BCORL1: variants seen among roughly 807,000 people sequenced by gnomAD.
The protein encoded by BCORL1 is BCL-6 corepressor-like protein 1.
A neutral mutation model predicts 87.6 loss-of-function variants in BCORL1; 7 were observed. That is an observed-to-expected ratio of 0.08 (90% confidence interval 0.05 to 0.15). The LOEUF is 0.15. Ranked by LOEUF, BCORL1 falls within the 10% of genes least tolerant of loss-of-function variation. BCORL1 has a pLI of 1.00. For synonymous variants in BCORL1, 591 were observed against 634.4 expected, an observed-to-expected ratio of 0.93 and a Z score of 1.03; for missense variants, 1,215 against 1,499.7, an observed-to-expected ratio of 0.81 and a Z score of 3.13.
intron 11 of BCORL1, among the ~76,000 whole-genome samples, chrX:130,040,736 C>T (rs1931255516): frequency 1.8e-5 from 2 of 112,335 alleles, no homozygotes; most frequent in South Asian, 3.6e-4. Context: ...GGCAAGCCAC[C>T]GTTGGTAGCT....
In BCORL1 at chrX:129,999,688, C is replaced by A. The variant is rs762996557; in HGVS notation, c.-44-5500C>A. ...CTTGAGTCCTCTAATTCTTTTTCCC[C>A]CCCCCCAGACAGAGTCTTAACTGTC... On this transcript the variant is annotated intron_variant, in intron 1 of 13. Coordinates refer to ENST00000540052, the MANE Select transcript of BCORL1 (RefSeq NM_001379451.1). 2.1e-4 allele frequency among the ~76,000 whole-genome samples: 22 copies of A among 102,427 alleles called. No homozygotes were observed. The South Asian group carries it at 3.4e-3, about 16-fold the overall frequency. The allele number at this position is 102,427 out of a possible 115,157, so 88.9% of individuals were successfully genotyped here.
intron 2 of BCORL1, among the ~76,000 whole-genome samples, chrX:130,011,769 C>T (rs1002102826): frequency 9.1e-6 from 1 of 109,369 alleles, no homozygotes; most frequent in South Asian, 3.9e-4. Flanking sequence ...GGGTCTGAGG[C>T]TTTTCGGACA....
At chrX:130,023,953 TACTC>T (rs966749172) in intron 6 of BCORL1, among the ~76,000 whole-genome samples, 3 of 112,616 alleles carry the variant, frequency 2.7e-5, no homozygotes, top group African/African-American at 9.7e-5. Context: ...AAGGGCTACT[TACTC>T]TATTTGCCTC....
intron 1 of BCORL1, among the ~76,000 whole-genome samples, chrX:129,984,159 G>T (rs1204374336): frequency 1.0e-5 from 1 of 99,419 alleles, no homozygotes; most frequent in Non-Finnish European, 2.1e-5. Flanking sequence ...GCCGGGGGCG[G>T]CGCTGCTGCC....
At chrX:130,008,746 T>G (rs1301988896) in intron 2 of BCORL1, among the ~76,000 whole-genome samples, 7 of 111,751 alleles carry the variant, frequency 6.3e-5, no homozygotes, top group Non-Finnish European at 1.1e-4. Context: ...GAATTTGGGG[T>G]ACAAAGCTGT....
At chrX:130,031,603 G>A (rs1930608885) in intron 8 of BCORL1, among the ~76,000 whole-genome samples, 3 of 111,830 alleles carry the variant, frequency 2.7e-5, no homozygotes, top group African/African-American at 9.8e-5. Context: ...GGGCAACATG[G>A]TGAAACCCCG....
rs757416074 is a variant in BCORL1, at chrX:130,032,559, A to G, written c.4306-1896A>G. Among the ~76,000 whole-genome samples, 3 of 111,135 alleles carry G rather than the reference A, an allele frequency of 2.7e-5. No individual in the cohort carries two copies. The East Asian group carries it at 8.5e-4, about 32-fold the overall frequency. ...ACTCACTGTAGGAGGAAGGTGCATAAGAGCATGAAGATCAGGGGATCACTG... is the reference window on the plus strand; with the variant it reads ...ACTCACTGTAGGAGGAAGGTGCATAGGAGCATGAAGATCAGGGGATCACTG... On this transcript the variant is annotated intron_variant, in intron 8 of 13. Transcript: ENST00000540052.
chrX:130,024,383 G>A (rs751417183), intron 6 of BCORL1, among the ~76,000 whole-genome samples: 5 of 111,309 alleles, frequency 4.5e-5, no homozygotes, highest in Admixed American at 3.8e-4. Flanking sequence ...GCATTTGGGC[G>A]TGACCCAACC....
chrX:130,051,768 C>A, intron 12 of BCORL1, 92 bp from the exon 13 acceptor site: 1 of 877,478 alleles, frequency 1.1e-6, no homozygotes, highest in Non-Finnish European at 1.5e-6. Context: ...CAACCACCAC[C>A]CCTCCATGCC....
intron 1 of BCORL1, among the ~76,000 whole-genome samples, chrX:129,984,582 G>A (rs988116044): frequency 9.0e-6 from 1 of 111,406 alleles, no homozygotes; most frequent in African/African-American, 3.3e-5. Context: ...GGCCCTCCTC[G>A]CCGGGGTCCC....
chrX:130,000,203 G>A (rs764070289), intron 1 of BCORL1, among the ~76,000 whole-genome samples: 2 of 108,794 alleles, frequency 1.8e-5, no homozygotes, highest in African/African-American at 6.7e-5. Flanking sequence ...CCGCCACCAT[G>A]CCCGGCTAAT....
rs1348297644 is a variant in BCORL1 at position 130,050,735 on chromosome X, A to G, written c.4859A>G (p.Gln1620Arg). 8.3e-7 allele frequency: 1 copy of G among 1,209,244 alleles called. No individual in the cohort carries two copies. The highest frequency in any genetic ancestry group is 1.8e-5 in the African/African-American group (1 of 57,045). The change falls in exon 12 of 14, where the codon CAG becomes CGG. Residue 1620 changes from glutamine to arginine, a missense_variant. Coordinates refer to ENST00000540052, the MANE Select transcript of BCORL1 (RefSeq NM_001379451.1). ...RFLSDHLSDL[Q>R]GRAEGDPGVS... is the part of the protein sequence containing the mutation. ...TCATCAGATCACCTCTCGGATCTTC[A>G]GGGCCGGGCAGAGGGTGATCCCGGT... is the stretch of plus-strand genomic sequence containing the variant.
At chrX:130,053,735 G>A (rs1314676055) in intron 13 of BCORL1, among the ~76,000 whole-genome samples, 1 of 112,025 alleles carries the variant, frequency 8.9e-6, no homozygotes, top group Admixed American at 9.4e-5. Context: ...CAAGAAGTTG[G>A]GGGTGGGGGT....
At position 130,015,756 on chromosome X, in the gene BCORL1, T is replaced by C. The variant is rs771613627; in HGVS notation, c.2984T>C (p.Leu995Pro). The C allele has an allele frequency of 1.2e-5, 14 of 1,210,115 alleles. No individual in the cohort carries two copies. The highest frequency in any genetic ancestry group is 1.6e-5 in the Non-Finnish European group (14 of 895,227). ...CTGGCCACCTACATGTCCCATGAGC[T>C]GGTCCTGGCCACCCCCCAGAACCTG... ...QVLATYMSHELVLATPQNLPK... is the reference protein window; with the variant it reads ...QVLATYMSHEPVLATPQNLPK... Residue 995 changes from leucine to proline, a missense_variant, in exon 4 of 14, where the codon CTG (leucine) becomes CCG (proline). Transcript: ENST00000540052.
At chrX:130,048,577 C>T (rs1196615709) in intron 11 of BCORL1, among the ~76,000 whole-genome samples, 1 of 111,997 alleles carries the variant, frequency 8.9e-6, no homozygotes, top group East Asian at 2.8e-4. Flanking sequence ...GGAGGCTAAG[C>T]GGTGGCCTTA....
rs1372512832 is a variant in BCORL1, at chrX:130,025,219, G to A, written c.3918G>A (p.Glu1306=). The part of the protein sequence containing the change: ...WRAREMPWRT[E]AARQMWDTNE... ...CCCGAGAAATGCCCTGGAGGACAGA[G>A]GCTGCCCGGCAAATGTGGGACACCA... Residue 1306 remains glutamate, a synonymous_variant, in exon 7 of 14, where the codon GAG becomes GAA. Coordinates refer to ENST00000540052, the MANE Select transcript of BCORL1 (RefSeq NM_001379451.1). The A allele has an allele frequency of 1.7e-6, 2 of 1,209,226 alleles. No individual in the cohort carries two copies. The highest frequency in any genetic ancestry group is 1.8e-5 in the African/African-American group (1 of 57,071).
chrX:130,052,129 A>G, intron 13 of BCORL1, 113 bp downstream of exon 13: 1 of 817,264 alleles, frequency 1.2e-6, no homozygotes, highest in Non-Finnish European at 1.7e-6. Context: ...ATCACACATG[A>G]CAAAGGCTAG....
Position 130,016,060 on chromosome X carries a change from A to AGGG in BCORL1, c.3290_3292dup (p.Gly1097dup), listed in dbSNP as rs760732347. The AGGG allele has an allele frequency of 8.3e-7, 1 of 1,209,820 alleles. No homozygotes were observed. Among genetic ancestry groups the AGGG allele is most frequent in the South Asian group, 1.8e-5 (1 of 56,843 alleles). ...AGGCTCGAGTGAAACAGGAAAGCGT[A>AGGG]GGGGTCTTTGCTTGCAAGAACAAGT... On this transcript the variant is annotated inframe_insertion, in exon 4 of 14. Coordinates refer to ENST00000540052, the MANE Select transcript of BCORL1 (RefSeq NM_001379451.1).
intron 1 of BCORL1, among the ~76,000 whole-genome samples, chrX:130,004,437 G>T (rs1928318994): frequency 9.1e-6 from 1 of 110,293 alleles, no homozygotes; most frequent in African/African-American, 3.3e-5. Context: ...TAGAAACGGG[G>T]TTTCACCATG....
Sources: gnomAD v4.1 joint callset for allele counts (sites outside exome capture counted in the v4.1 genomes callset) on GRCh38, gnomAD v4.1.1 for gene constraint, MANE v1.5 for transcripts, NCBI Gene and HGNC (gene_info 2026-07-23, HGNC 2026-07-21) for gene names.